Variants in DGKB observed in about 807,000 individuals in gnomAD.
DGKB encodes diacylglycerol kinase beta, also known as 90 kDa diacylglycerol kinase.
A neutral mutation model predicts 114.3 loss-of-function variants in DGKB; 67 were observed. The observed-to-expected ratio is 0.59, with a 90% CI of 0.48 to 0.72. The LOEUF is 0.72. Ranked by LOEUF, DGKB falls within the 30% of genes least tolerant of loss-of-function variation. DGKB has a pLI of 0.00. For missense variants in DGKB, 907 were observed against 975.2 expected (o/e 0.93, Z 0.93); for synonymous variants, 398 against 323.1 (o/e 1.23, Z -2.49).
chr7:14,536,638 C>T (rs1792544990), intron 20 of DGKB, among the ~76,000 whole-genome samples: 1 of 152,082 alleles, frequency 6.6e-6, no homozygotes, highest in South Asian at 2.1e-4. Context: ...AACCACTCAA[C>T]AAATTAGTTA....
At chr7:14,774,268 G>C (rs148743500) in intron 2 of DGKB, among the ~76,000 whole-genome samples, 1 of 152,268 alleles carries the variant, frequency 6.6e-6, no homozygotes, top group African/African-American at 2.4e-5. Flanking sequence ...TCTAAATAAA[G>C]AATATTTCAA....
intron 2 of DGKB, among the ~76,000 whole-genome samples, chr7:14,770,534 A>C: frequency 6.6e-6 from 1 of 152,168 alleles, no homozygotes; most frequent in East Asian, 1.9e-4. Flanking sequence ...AGATAGTCAA[A>C]GCTCATGAGA....
At chr7:14,432,169 C>T (rs563695897) in intron 21 of DGKB, among the ~76,000 whole-genome samples, 2 of 152,308 alleles carry the variant, frequency 1.3e-5, no homozygotes, top group South Asian at 4.1e-4. Context: ...TTATTGGTTT[C>T]TCACTGCAAA....
At chr7:14,439,904 G>C (rs965246073) in intron 21 of DGKB, among the ~76,000 whole-genome samples, 3 of 149,958 alleles carry the variant, frequency 2.0e-5, no homozygotes, top group Non-Finnish European at 4.4e-5. Context: ...AAATGTGGCA[G>C]ACTGCCACAG....
intron 23 of DGKB, among the ~76,000 whole-genome samples, chr7:14,188,380 G>T (rs1490957807): frequency 1.7e-5 from 2 of 120,574 alleles, no homozygotes; most frequent in Non-Finnish European, 3.7e-5. Flanking sequence ...TCCCCAATTG[G>T]CCGGGCGCGG....
intron 20 of DGKB, among the ~76,000 whole-genome samples, chr7:14,481,043 TAA>T (rs1782913301): frequency 6.6e-6 from 1 of 152,028 alleles, no homozygotes; most frequent in Middle Eastern, 3.4e-3. Flanking sequence ...GAAATGAAAA[TAA>T]GTCAATCTTA....
intron 23 of DGKB, among the ~76,000 whole-genome samples, chr7:14,197,682 T>C (rs180882534): frequency 1.4e-4 from 21 of 152,252 alleles, no homozygotes; most frequent in Non-Finnish European, 5.9e-5. Flanking sequence ...TATAGAACCA[T>C]CCTATTATTT....
intron 23 of DGKB, among the ~76,000 whole-genome samples, chr7:14,232,267 G>T (rs755387071): frequency 6.6e-6 from 1 of 151,068 alleles, no homozygotes; most frequent in East Asian, 2.0e-4. Context: ...GGCCCATTTT[G>T]TACTCAATCC....
intron 21 of DGKB, among the ~76,000 whole-genome samples, chr7:14,449,823 T>C (rs984478135): frequency 1.8e-4 from 27 of 152,078 alleles, no homozygotes; most frequent in Non-Finnish European, 3.1e-4. Flanking sequence ...AGCATTAACA[T>C]TGTCTCTTGT....
At chr7:14,769,421 T>C (rs1052319742) in intron 2 of DGKB, among the ~76,000 whole-genome samples, 2 of 151,994 alleles carry the variant, frequency 1.3e-5, no homozygotes, top group African/African-American at 4.8e-5. Flanking sequence ...AAGTGAATTG[T>C]AGAATTCCTT....
chr7:14,179,300 T>G (rs554402780), intron 23 of DGKB, among the ~76,000 whole-genome samples: 1 of 152,234 alleles, frequency 6.6e-6, no homozygotes, highest in Non-Finnish European at 1.5e-5. Context: ...GCTGAGACCC[T>G]TGATTTGGAG....
At chr7:14,504,747 G>T (rs1455083025) in intron 20 of DGKB, among the ~76,000 whole-genome samples, 1 of 152,068 alleles carries the variant, frequency 6.6e-6, no homozygotes, top group Non-Finnish European at 1.5e-5. Context: ...TGCACAAAAA[G>T]TTTATAACTT....
chr7:14,242,866 G>GTTTT lies in DGKB; in HGVS notation c.2123-64719_2123-64716dup, dbSNP rs10656701. On this transcript the variant is annotated intron_variant, in intron 23 of 25. Coordinates refer to ENST00000402815, the MANE Select transcript of DGKB (RefSeq NM_001350709.2). Reference sequence around the variant, plus strand: ...AAACCCATCCAAATATATGAAGGCTGTTTTTTTTTTTTTTAAAGTATGTGA... The same window carrying GTTTT: ...AAACCCATCCAAATATATGAAGGCTGTTTTTTTTTTTTTTTTTTAAAGTATGTGA... Among the ~76,000 whole-genome samples the GTTTT allele has an allele frequency of 3.0e-3, 435 of 146,168 alleles. 2 individuals are homozygous for GTTTT. Among genetic ancestry groups the GTTTT allele is most frequent in the African/African-American group, 7.3e-3 (292 of 39,836 alleles).
chr7:14,845,753 G>A (rs1848545517), intron 1 of DGKB, among the ~76,000 whole-genome samples: 1 of 151,858 alleles, frequency 6.6e-6, no homozygotes, highest in African/African-American at 2.4e-5. Context: ...GTGCATAAAG[G>A]AGACAAGAAC....
intron 23 of DGKB, among the ~76,000 whole-genome samples, chr7:14,257,317 C>T (rs1439763484): frequency 6.6e-6 from 1 of 152,080 alleles, no homozygotes; most frequent in Non-Finnish European, 1.5e-5. Context: ...AAAACACAGA[C>T]ATTTTTATTA....
rs1472848270 is a variant in DGKB at position 14,324,831 on chromosome 7, T to C, written c.2122+13684A>G. On this transcript the variant is annotated intron_variant, in intron 23 of 25. Transcript: ENST00000402815. ...CCTGAGAGTTGCAAGTGTCCTGCAA[T>C]GAGACAATGGACGCTTCTGCCTAGA... is the stretch of plus-strand genomic sequence containing the variant. 8.9e-5 allele frequency among the ~76,000 whole-genome samples: 3 copies of C among 33,828 alleles called. No individual in the cohort carries two copies. The African/African-American group carries it at 1.2e-3, about 13-fold the overall frequency. 22.2% of individuals were successfully genotyped at this position (33,828 alleles called of 152,430 possible).
At chr7:14,167,814 T>C (rs1048254352) in intron 25 of DGKB, among the ~76,000 whole-genome samples, 2 of 152,168 alleles carry the variant, frequency 1.3e-5, no homozygotes, top group Non-Finnish European at 2.9e-5. Context: ...AACTACCTGC[T>C]AAAATAGTAA....
intron 20 of DGKB, among the ~76,000 whole-genome samples, chr7:14,561,261 G>T (rs1044853655): frequency 6.6e-6 from 1 of 152,236 alleles, no homozygotes; most frequent in African/African-American, 2.4e-5. Flanking sequence ...ATGTGGCTTT[G>T]TTCCTCCTTT....
At chr7:14,877,517 T>C (rs972155704) in intron 1 of DGKB, among the ~76,000 whole-genome samples, 4 of 152,170 alleles carry the variant, frequency 2.6e-5, no homozygotes, top group Admixed American at 2.6e-4. Context: ...ATAGCGCCAT[T>C]GCACTCCAGC....
Sources: allele counts gnomAD v4.1 joint callset (sites outside exome capture counted in the v4.1 genomes callset), GRCh38; gene constraint gnomAD v4.1.1; transcripts MANE v1.5; gene names NCBI Gene and HGNC (gene_info 2026-07-23, HGNC 2026-07-21).